Variants in RNMT observed in about 807,000 individuals in gnomAD.
RNMT encodes mRNA cap guanine-N(7) methyltransferase.
A neutral mutation model predicts 56.0 loss-of-function variants in RNMT; 27 were observed. The observed-to-expected ratio is 0.48, with a 90% CI of 0.36 to 0.67. The LOEUF (loss-of-function observed/expected upper bound fraction) is 0.67. Among genes scored for constraint, RNMT ranks in the 30% least tolerant of loss-of-function variants. RNMT has a pLI of 0.00. For synonymous variants in RNMT, 184 were observed against 176.2 expected (o/e 1.04, Z -0.35); for missense variants, 519 against 552.1 (o/e 0.94, Z 0.60).
intron 1 of RNMT, among the ~76,000 whole-genome samples, chr18:13,728,481 G>A (rs985618299): frequency 4.6e-5 from 7 of 151,646 alleles, no homozygotes; most frequent in East Asian, 1.9e-4. Context: ...GATTACAGGC[G>A]CACATCACCA....
Position 13,762,948 on chromosome 18 carries a change from G to A in RNMT, c.*2969G>A. 2.7e-6 allele frequency: 1 copy of A among 374,438 alleles called. No individual in the cohort carries two copies. The highest frequency in any genetic ancestry group is 5.3e-6 in the Non-Finnish European group (1 of 187,412). 23.2% of individuals were successfully genotyped at this position (374,438 alleles called of 1,614,324 possible). On this transcript the variant is annotated 3_prime_UTR_variant, in exon 12 of 12. Transcript: ENST00000383314. Reference sequence around the variant, plus strand: ...TTCTAGCTACCAAACATTGTTTTTTGTTGAAAAACTGACTTTCTGTTGTCT... The same window carrying A: ...TTCTAGCTACCAAACATTGTTTTTTATTGAAAAACTGACTTTCTGTTGTCT...
At chr18:13,729,617 C>G (rs1034862566) in intron 1 of RNMT, among the ~76,000 whole-genome samples, 9 of 152,136 alleles carry the variant, frequency 5.9e-5, no homozygotes, top group Admixed American at 1.3e-4. Context: ...TTTGGTACTT[C>G]TTGGTATTTT....
intron 9 of RNMT, among the ~76,000 whole-genome samples, chr18:13,747,375 C>G (rs1198414886): frequency 1.3e-5 from 2 of 152,090 alleles, no homozygotes; most frequent in African/African-American, 4.8e-5. Context: ...TGTCACCACA[C>G]CTGTCTCAGT....
intron 9 of RNMT, among the ~76,000 whole-genome samples, chr18:13,747,447 C>G (rs746028253): frequency 2.6e-5 from 4 of 152,104 alleles, no homozygotes; most frequent in Non-Finnish European, 4.4e-5. Flanking sequence ...AAACTCCTGG[C>G]CTCATCAAGC....
intron 11 of RNMT, among the ~76,000 whole-genome samples, chr18:13,759,063 T>C (rs2044587225): frequency 6.6e-6 from 1 of 152,098 alleles, no homozygotes; most frequent in Non-Finnish European, 1.5e-5. Context: ...CTCAAAACAA[T>C]TACAGTAATA....
At chr18:13,742,902 G>C (rs1040968738) in intron 8 of RNMT, 53 of 271,702 alleles carry the variant, frequency 2.0e-4, no homozygotes, top group African/African-American at 1.1e-3. Context: ...TTTTAATCCT[G>C]TGGGTGAAAA....
chr18:13,744,745 TC>T, intron 8 of RNMT, among the ~76,000 whole-genome samples: 1 of 152,220 alleles, frequency 6.6e-6, no homozygotes, highest in African/African-American at 2.4e-5. Context: ...CCCTATCCCC[TC>T]AAATGCCACC....
intron 4 of RNMT, among the ~76,000 whole-genome samples, chr18:13,735,743 G>C (rs938039988): frequency 6.6e-6 from 1 of 151,982 alleles, no homozygotes; most frequent in African/African-American, 2.4e-5. Flanking sequence ...TCAGAAAAGA[G>C]GTATTTTTTT....
chr18:13,761,955 C>A lies in RNMT; in HGVS notation c.*1976C>A. 1 of 1,484,402 alleles carries A rather than the reference C, an allele frequency of 6.7e-7. No homozygotes were observed. Among genetic ancestry groups the A allele is most frequent in the Non-Finnish European group, 9.0e-7 (1 of 1,115,688 alleles). 92.0% of individuals were successfully genotyped at this position (1,484,402 alleles called of 1,614,324 possible). The stretch of plus-strand genomic sequence containing the variant: ...CTAGAAAAGGCTTCCCCTGCCTATC[C>A]TCTCCGATCACCAAGGTGGAAGGGA... On this transcript the variant is annotated 3_prime_UTR_variant, in exon 12 of 12. Transcript: ENST00000383314.
intron 2 of RNMT, 78 bp downstream of exon 2, chr18:13,730,833 T>G (rs1371935868): frequency 6.6e-6 from 1 of 152,250 alleles, no homozygotes; most frequent in Non-Finnish European, 1.5e-5. Context: ...CCACATTAGG[T>G]TCTGTGGTGC....
At chr18:13,727,981 C>T (rs2043991465) in intron 1 of RNMT, among the ~76,000 whole-genome samples, 1 of 152,098 alleles carries the variant, frequency 6.6e-6, no homozygotes, top group South Asian at 2.1e-4. Flanking sequence ...TATCTTTATT[C>T]ATCTGTTGAT....
intron 10 of RNMT, among the ~76,000 whole-genome samples, chr18:13,753,444 G>A (rs1027771367): frequency 8.7e-5 from 13 of 149,836 alleles, no homozygotes; most frequent in Admixed American, 4.0e-4. Flanking sequence ...CAGCCTGGGC[G>A]ACAGAGCCAG....
chr18:13,741,487 TAACTC>T lies in RNMT; in HGVS notation c.793-21_793-17del. Reference sequence around the variant, plus strand: ...CTTTGTTGTAGTTACCTCACAATCTTAACTCATTTTAATTTGTTTCAGGAACTTCT... The same window carrying T: ...CTTTGTTGTAGTTACCTCACAATCTTATTTTAATTTGTTTCAGGAACTTCT... On this transcript the variant is annotated intron_variant, in intron 6 of 11. Transcript: ENST00000383314. The T allele has an allele frequency of 6.3e-7, 1 of 1,587,548 alleles. No individual in the cohort carries two copies. The highest frequency in any genetic ancestry group is 1.3e-5 in the African/African-American group (1 of 74,234).
At chr18:13,743,539 C>G (rs942587765) in intron 8 of RNMT, among the ~76,000 whole-genome samples, 2 of 152,118 alleles carry the variant, frequency 1.3e-5, no homozygotes, top group Non-Finnish European at 2.9e-5. Flanking sequence ...ACTGTAGACA[C>G]AGGAAAAGCT....
chr18:13,754,521 T>G (rs565149234), intron 11 of RNMT, among the ~76,000 whole-genome samples: 162 of 152,216 alleles, frequency 1.1e-3, no homozygotes, highest in African/African-American at 3.8e-3. Flanking sequence ...ATCTGAAAAC[T>G]TTGAGTTTTT....
intron 11 of RNMT, among the ~76,000 whole-genome samples, chr18:13,756,856 A>G (rs1286707538): frequency 2.0e-5 from 3 of 152,064 alleles, no homozygotes; most frequent in Admixed American, 1.3e-4. Flanking sequence ...CTTGATCTTG[A>G]CTCACTGTTG....
At position 13,732,981 on chromosome 18, in the gene RNMT, T is replaced by C. The variant is rs553971971; in HGVS notation, c.417+1047T>C. Among the ~76,000 whole-genome samples the C allele has an allele frequency of 1.8e-4, 27 of 152,158 alleles. No homozygotes were observed. In the South Asian group the frequency reaches 5.4e-3, roughly 31 times the overall value. On this transcript the variant is annotated intron_variant, in intron 3 of 11. Coordinates refer to ENST00000383314, the MANE Select transcript of RNMT (RefSeq NM_003799.3). Reference sequence around the variant, plus strand: ...TTTCACCATATTGGCCAGGCTGGTCTTGAATTCCTGACCTTGTGATCTGCC... The same window carrying C: ...TTTCACCATATTGGCCAGGCTGGTCCTGAATTCCTGACCTTGTGATCTGCC...
intron 8 of RNMT, 65 bp downstream of exon 8, chr18:13,742,717 G>A: frequency 8.1e-7 from 1 of 1,241,034 alleles, no homozygotes; most frequent in Non-Finnish European, 1.1e-6. Flanking sequence ...GCGGGGAAAA[G>A]CAATATTTAT....
At chr18:13,752,234 C>A in intron 9 of RNMT, 92 bp from the exon 10 acceptor site, 1 of 727,078 alleles carries the variant, frequency 1.4e-6, no homozygotes, top group Non-Finnish European at 2.4e-6. Flanking sequence ...ACGGATTATT[C>A]TCCTAATTAT....
Sources: allele counts gnomAD v4.1 joint callset (sites outside exome capture counted in the v4.1 genomes callset), GRCh38; gene constraint gnomAD v4.1.1; transcripts MANE v1.5; gene names NCBI Gene and HGNC (gene_info 2026-07-23, HGNC 2026-07-21).